SYNPR: variants seen among roughly 807,000 people sequenced by gnomAD.
SYNPR encodes synaptoporin.
A neutral mutation model predicts 32.9 loss-of-function variants in SYNPR; 23 were observed. That is an observed-to-expected ratio of 0.70 (90% CI 0.50 to 0.99). SYNPR has a LOEUF of 0.99. Ranked by LOEUF, SYNPR falls within the 50% of genes least tolerant of loss-of-function variation. SYNPR has a pLI of 0.00. For synonymous variants in SYNPR, 146 were observed against 135.9 expected, an observed-to-expected ratio of 1.07 and a Z score of -0.52; for missense variants, 318 against 349.3, an observed-to-expected ratio of 0.91 and a Z score of 0.71.
chr3:63,443,321 C>T, intron 2 of SYNPR: 1 of 1,502,662 alleles, frequency 6.7e-7, no homozygotes, highest in Non-Finnish European at 8.9e-7. Context: ...TCTTCTTCTC[C>T]TCCTTTGCTT....
chr3:63,593,937 G>A (rs1234827006), intron 4 of SYNPR, among the ~76,000 whole-genome samples: 1 of 152,098 alleles, frequency 6.6e-6, no homozygotes, highest in Non-Finnish European at 1.5e-5. Flanking sequence ...CCATAGCAGG[G>A]AAGATAATAA....
chr3:63,354,492 A>G (rs2087549449), intron 2 of SYNPR, among the ~76,000 whole-genome samples: 1 of 152,216 alleles, frequency 6.6e-6, no homozygotes. Context: ...AGACTAGTAA[A>G]GATGCTCTTC....
At chr3:63,224,313 C>A (rs1236021787), upstream of SYNPR, among the ~76,000 whole-genome samples, 1 of 152,090 alleles carries the variant, frequency 6.6e-6, no homozygotes, top group African/African-American at 2.4e-5. Flanking sequence ...CTAACTAATG[C>A]CTGATGATCT....
chr3:63,247,708 T>C (rs2086302629), intron 1 of SYNPR, among the ~76,000 whole-genome samples: 1 of 152,126 alleles, frequency 6.6e-6, no homozygotes, highest in Non-Finnish European at 1.5e-5. Flanking sequence ...CAATCCTTCT[T>C]TCCCAAACCT....
At chr3:63,372,317 C>T (rs976161763) in intron 2 of SYNPR, among the ~76,000 whole-genome samples, 1 of 152,074 alleles carries the variant, frequency 6.6e-6, no homozygotes, top group African/African-American at 2.4e-5. Flanking sequence ...AGCACAGCCA[C>T]CCCATCCCTG....
rs755622968 is a variant in SYNPR at position 63,510,915 on chromosome 3, C to CTGTGTG, written c.209+29974_209+29979dup. On this transcript the variant is annotated intron_variant, in intron 3 of 5. Coordinates refer to ENST00000478300, the MANE Select transcript of SYNPR (RefSeq NM_001130003.2). ...GTAAATGAAAAGGCAAAAGGTACAA[C>CTGTGTG]TGTGTGTGTGTGTGTGTGTGCGCGC... Among the ~76,000 whole-genome samples the CTGTGTG allele has an allele frequency of 1.0e-3, 150 of 149,196 alleles. 1 individual carries two copies. The highest frequency in any genetic ancestry group is 3.3e-3 in the African/African-American group (136 of 40,614).
At chr3:63,267,700 G>T (rs928316959) in intron 3 of SYNPR, among the ~76,000 whole-genome samples, 6 of 152,314 alleles carry the variant, frequency 3.9e-5, no homozygotes, top group African/African-American at 9.6e-5. Flanking sequence ...GGCCCTGGCT[G>T]CAGAATAGGG....
At chr3:63,208,833 G>A in the SYNPR span, among the ~76,000 whole-genome samples, 1 of 152,100 alleles carries the variant, frequency 6.6e-6, no homozygotes, top group Non-Finnish European at 1.5e-5. Context: ...AAGAAACATT[G>A]ATTTGGTAGA....
the SYNPR span, among the ~76,000 whole-genome samples, chr3:63,202,366 C>A: frequency 6.6e-6 from 1 of 152,118 alleles, no homozygotes; most frequent in Non-Finnish European, 1.5e-5. Flanking sequence ...TTTCTCCACA[C>A]CCTGCTTGCA....
At chr3:63,333,614 T>C (rs539870234) in intron 2 of SYNPR, among the ~76,000 whole-genome samples, 156 of 152,144 alleles carry the variant, frequency 1.0e-3, no homozygotes, top group Non-Finnish European at 1.9e-3. Context: ...ATGGGAGTCT[T>C]CCTATGTTGC....
intron 2 of SYNPR, among the ~76,000 whole-genome samples, chr3:63,423,121 T>C (rs960900454): frequency 3.3e-5 from 5 of 152,198 alleles, no homozygotes; most frequent in African/African-American, 1.2e-4. Context: ...GTAACACATG[T>C]ACATAACAAC....
At chr3:63,542,918 A>G (rs1048828706) in intron 3 of SYNPR, among the ~76,000 whole-genome samples, 3 of 152,090 alleles carry the variant, frequency 2.0e-5, no homozygotes, top group Non-Finnish European at 4.4e-5. Context: ...GGAAGTCAAA[A>G]TTTATCATCT....
intron 4 of SYNPR, 88 bp from the exon 5 acceptor site, chr3:63,609,037 G>T: frequency 2.8e-6 from 4 of 1,415,326 alleles, no homozygotes; most frequent in Non-Finnish European, 3.8e-6. Context: ...TTTCCAAAAG[G>T]CAAACCAAAT....
At chr3:63,484,383 T>C (rs1701105375) in intron 3 of SYNPR, among the ~76,000 whole-genome samples, 1 of 152,176 alleles carries the variant, frequency 6.6e-6, no homozygotes, top group Admixed American at 6.5e-5. Flanking sequence ...ACTTCCTTTA[T>C]GCATAGAAGT....
At chr3:63,514,095 T>A (rs945336482) in intron 3 of SYNPR, among the ~76,000 whole-genome samples, 4 of 152,168 alleles carry the variant, frequency 2.6e-5, no homozygotes, top group Admixed American at 2.6e-4. Context: ...ATTCTTTGAT[T>A]CTTTTAGATC....
intron 2 of SYNPR, chr3:63,252,671 AC>A (rs2086342504): frequency 6.6e-6 from 1 of 152,214 alleles, no homozygotes; most frequent in Non-Finnish European, 1.5e-5. Flanking sequence ...GCGTTTTCAT[AC>A]CCCCTAGCAT....
At chr3:63,596,261 C>G (rs1235878983) in intron 4 of SYNPR, among the ~76,000 whole-genome samples, 1 of 146,514 alleles carries the variant, frequency 6.8e-6, no homozygotes, top group Non-Finnish European at 1.5e-5. Flanking sequence ...TTCCTTCCCC[C>G]CTTCTTCTCT....
At chr3:63,283,866 G>A (rs1276089348) in intron 2 of SYNPR, among the ~76,000 whole-genome samples, 4 of 140,698 alleles carry the variant, frequency 2.8e-5, no homozygotes, top group African/African-American at 1.1e-4. Flanking sequence ...TGCCCAGGCT[G>A]GAGCGCAATG....
chr3:63,354,377 C>T (rs2087547940), intron 2 of SYNPR, among the ~76,000 whole-genome samples: 1 of 152,176 alleles, frequency 6.6e-6, no homozygotes, highest in South Asian at 2.1e-4. Flanking sequence ...TCCAAACCTC[C>T]ACTTTAGGGC....
Sources: gnomAD v4.1 joint callset for allele counts (sites outside exome capture counted in the v4.1 genomes callset) on GRCh38, gnomAD v4.1.1 for gene constraint, MANE v1.5 for transcripts, NCBI Gene and HGNC (gene_info 2026-07-23, HGNC 2026-07-21) for gene names.